Variants in ADTRP observed in about 807,000 individuals in gnomAD.
ADTRP encodes androgen dependent TFPI regulating protein.
In ADTRP, 20 loss-of-function variants were observed where a neutral mutation model predicts 27.0. The ratio of observed to expected loss-of-function variants is 0.74; its 90% CI spans 0.52 to 1.08. The LOEUF (loss-of-function observed/expected upper bound fraction) is 1.08, where lower values mean the gene tolerates loss of function less well. Among genes scored for constraint, ADTRP ranks in the 50% least tolerant of loss-of-function variants. The pLI is 0.00. For missense variants in ADTRP, 251 were observed against 275.0 expected (o/e 0.91, Z 0.62); for synonymous variants, 101 against 105.2 (o/e 0.96, Z 0.25).
intron 3 of ADTRP, chr6:11,755,255 AT>A (rs368870626): frequency 0.011 from 2,069 of 182,278 alleles, 42 homozygotes; most frequent in African/African-American, 0.041. Flanking sequence ...AGAAATTAGA[AT>A]TTTTTTTTTT....
intron 3 of ADTRP, among the ~76,000 whole-genome samples, chr6:11,764,227 T>C (rs1325690610): frequency 6.6e-6 from 1 of 152,212 alleles, no homozygotes; most frequent in Non-Finnish European, 1.5e-5. Flanking sequence ...GCTCTCTGCT[T>C]CCAAAATTAT....
intron 5 of ADTRP, 150 bp downstream of exon 5, chr6:11,723,199 C>T: frequency 8.9e-7 from 1 of 1,118,402 alleles, no homozygotes; most frequent in Non-Finnish European, 1.3e-6. Context: ...CTTGGCAGGA[C>T]CTCTTGGCAG....
chr6:11,756,334 A>AAATAAT (rs58098801), intron 3 of ADTRP, among the ~76,000 whole-genome samples: 2 of 150,956 alleles, frequency 1.3e-5, no homozygotes, highest in Admixed American at 1.3e-4. Context: ...ACTGTGTCTC[A>AAATAAT]AATAATAATA....
chr6:11,775,408 G>C (rs896734790), intron 1 of ADTRP, among the ~76,000 whole-genome samples: 13 of 151,888 alleles, frequency 8.6e-5, no homozygotes, highest in Admixed American at 6.6e-5. Flanking sequence ...GACAGACGTG[G>C]AAATGAAAGA....
intron 2 of ADTRP, 139 bp downstream of exon 2, chr6:11,768,110 A>G (rs1763634792): frequency 2.9e-6 from 3 of 1,018,332 alleles, no homozygotes; most frequent in Non-Finnish European, 4.4e-6. Context: ...AATGTGGCGC[A>G]GTCCTCAGAC....
intron 3 of ADTRP, among the ~76,000 whole-genome samples, chr6:11,743,569 GA>G (rs894753315): frequency 1.5e-4 from 23 of 152,136 alleles, no homozygotes; most frequent in African/African-American, 5.1e-4. Flanking sequence ...TGGCAGAACT[GA>G]AGGCTCCTGT....
chr6:11,748,621 A>C (rs1004267053), intron 3 of ADTRP, among the ~76,000 whole-genome samples: 1 of 152,326 alleles, frequency 6.6e-6, no homozygotes, highest in South Asian at 2.1e-4. Flanking sequence ...ACAAACAGGA[A>C]TCTAGGTACC....
intron 1 of ADTRP, among the ~76,000 whole-genome samples, chr6:11,776,348 TG>T (rs1271842436): frequency 6.6e-6 from 1 of 152,216 alleles, no homozygotes; most frequent in Non-Finnish European, 1.5e-5. Context: ...TTTTAATATC[TG>T]GGTATCCTGT....
intron 1 of ADTRP, among the ~76,000 whole-genome samples, chr6:11,769,757 CTTA>C (rs1187187396): frequency 6.6e-6 from 1 of 151,332 alleles, no homozygotes; most frequent in Non-Finnish European, 1.5e-5. Flanking sequence ...TTTGGCCAAC[CTTA>C]TTAAGATACA....
intron 4 of ADTRP, 30 bp from the exon 5 acceptor site, chr6:11,723,530 T>C (rs745660800): frequency 1.2e-6 from 2 of 1,609,582 alleles, no homozygotes; most frequent in Non-Finnish European, 1.7e-6. Context: ...GTGGTGGTTA[T>C]AGCAGGAGGA....
At position 11,741,721 on chromosome 6, in the gene ADTRP, T is replaced by TAAAAAA. The variant is rs66700409; in HGVS notation, c.391-6044_391-6039dup. On this transcript the variant is annotated intron_variant, in intron 3 of 5. Transcript: ENST00000414691. ...ATCCAGTTAAGGATAAGATTTTTTTTAAAAAAAAAAGATATGGGATCTTAG... is the reference window on the plus strand; with the variant it reads ...ATCCAGTTAAGGATAAGATTTTTTTTAAAAAAAAAAAAAAAAGATATGGGATCTTAG... Among the ~76,000 whole-genome samples, 601 of 151,132 alleles carry TAAAAAA rather than the reference T, an allele frequency of 4.0e-3. 3 individuals carry two copies. The highest frequency in any genetic ancestry group is 0.024 in the Middle Eastern group (7 of 294).
chr6:11,731,179 G>A (rs1398109405), intron 4 of ADTRP, among the ~76,000 whole-genome samples: 1 of 152,156 alleles, frequency 6.6e-6, no homozygotes, highest in Non-Finnish European at 1.5e-5. Context: ...AAGGCAGAAG[G>A]GTGCTTGGGG....
At chr6:11,771,704 A>G (rs770860848) in intron 1 of ADTRP, among the ~76,000 whole-genome samples, 3 of 152,200 alleles carry the variant, frequency 2.0e-5, no homozygotes, top group Admixed American at 6.5e-5. Flanking sequence ...AACCTCCAGG[A>G]CCTCAGAATA....
chr6:11,755,007 T>C, intron 3 of ADTRP: 10 of 982,228 alleles, frequency 1.0e-5, no homozygotes, highest in Non-Finnish European at 1.2e-5. Flanking sequence ...TTCAGAGAGA[T>C]TTAGGATCTT....
At chr6:11,764,338 G>A (rs1763484273) in intron 3 of ADTRP, among the ~76,000 whole-genome samples, 1 of 152,164 alleles carries the variant, frequency 6.6e-6, no homozygotes, top group African/African-American at 2.4e-5. Flanking sequence ...CCCTGAAGTG[G>A]GGGGGAGATG....
At chr6:11,748,545 T>A (rs1017565449) in intron 3 of ADTRP, among the ~76,000 whole-genome samples, 2 of 152,206 alleles carry the variant, frequency 1.3e-5, no homozygotes, top group African/African-American at 4.8e-5. Context: ...TTACAGTCAA[T>A]GGGCAAGATT....
rs1762984323 is a variant in ADTRP, at chr6:11,749,826, C to T, written c.391-14143G>A. ...GCAACACTCGGGTTATGTTCCATTC[C>T]AAGAAGCACACTTGTGTGCTTGAGT... On this transcript the variant is annotated intron_variant, in intron 3 of 5. Coordinates refer to ENST00000414691, the MANE Select transcript of ADTRP (RefSeq NM_032744.4). 2.0e-5 allele frequency among the ~76,000 whole-genome samples: 3 copies of T among 152,234 alleles called. 1 individual carries two copies. Among genetic ancestry groups the T allele is most frequent in the Non-Finnish European group, 4.4e-5 (3 of 68,014 alleles).
intron 2 of ADTRP, 124 bp downstream of exon 2, chr6:11,768,125 C>T (rs1414688178): frequency 8.3e-7 from 1 of 1,207,960 alleles, no homozygotes; most frequent in Admixed American, 2.2e-5. Flanking sequence ...TCAGACAGGA[C>T]ATTGTTGTAA....
chr6:11,772,749 G>A (rs1157954653), intron 1 of ADTRP, among the ~76,000 whole-genome samples: 1 of 152,216 alleles, frequency 6.6e-6, no homozygotes, highest in African/African-American at 2.4e-5. Context: ...TGGTGGTTGT[G>A]TTTGGGGCAG....
Sources: gnomAD v4.1 joint callset for allele counts (sites outside exome capture counted in the v4.1 genomes callset) on GRCh38, gnomAD v4.1.1 for gene constraint, MANE v1.5 for transcripts, NCBI Gene and HGNC (gene_info 2026-07-23, HGNC 2026-07-21) for gene names.